The following SHISA9 variants were observed in gnomAD, a reference collection of about 807,000 sequenced individuals.
SHISA9 encodes the protein shisa family member 9.
A neutral mutation model predicts 38.0 loss-of-function variants in SHISA9; 13 were observed. That is an observed-to-expected ratio of 0.34 (90% CI 0.22 to 0.54). The LOEUF (loss-of-function observed/expected upper bound fraction) is 0.54. Among genes scored for constraint, SHISA9 ranks in the 20% least tolerant of loss-of-function variants. SHISA9 has a pLI of 0.91. For missense variants in SHISA9, 538 were observed against 575.8 expected (o/e 0.93, Z 0.67); for synonymous variants, 275 against 242.0 (o/e 1.14, Z -1.27).
At chr16:13,125,323 C>T (rs2050246932) in intron 2 of SHISA9, among the ~76,000 whole-genome samples, 2 of 152,182 alleles carry the variant, frequency 1.3e-5, no homozygotes, top group Non-Finnish European at 2.9e-5. Context: ...ATAGACACCA[C>T]TGATTTTTCT....
At chr16:13,177,071 A>C (rs1347121890) in intron 2 of SHISA9, among the ~76,000 whole-genome samples, 1 of 152,192 alleles carries the variant, frequency 6.6e-6, no homozygotes, top group Non-Finnish European at 1.5e-5. Context: ...TTCTCAGCTC[A>C]GCCCACCATC....
chr16:13,349,791 G>A, the SHISA9 span, among the ~76,000 whole-genome samples: 2 of 152,168 alleles, frequency 1.3e-5, no homozygotes, highest in African/African-American at 4.8e-5. Context: ...TGTAGGGATG[G>A]TTACTTTTGT....
chr16:13,446,440 T>C, the SHISA9 span, among the ~76,000 whole-genome samples: 1 of 152,110 alleles, frequency 6.6e-6, no homozygotes, highest in African/African-American at 2.4e-5. Flanking sequence ...GTCTATAAGA[T>C]AAAAAATTGA....
At chr16:13,480,203 G>C in the SHISA9 span, among the ~76,000 whole-genome samples, 1 of 152,232 alleles carries the variant, frequency 6.6e-6, no homozygotes, top group South Asian at 2.1e-4. Context: ...CTAACATGCA[G>C]AGAAAACAAG....
chr16:13,425,627 A>G, the SHISA9 span, among the ~76,000 whole-genome samples: 17,968 of 152,282 alleles, frequency 0.12, 1,351 homozygotes, highest in Non-Finnish European at 0.17. Flanking sequence ...GCATTATGCA[A>G]TACACTCGTG....
At chr16:13,410,976 T>C in the SHISA9 span, among the ~76,000 whole-genome samples, 1 of 152,176 alleles carries the variant, frequency 6.6e-6, no homozygotes, top group African/African-American at 2.4e-5. Flanking sequence ...GCTTGGAGTG[T>C]TAAAAAAATA....
At chr16:13,456,479 G>T in the SHISA9 span, among the ~76,000 whole-genome samples, 3 of 152,192 alleles carry the variant, frequency 2.0e-5, no homozygotes, top group African/African-American at 2.4e-5. Context: ...GCAATTCTGG[G>T]ATGCCGATGT....
the SHISA9 span, among the ~76,000 whole-genome samples, chr16:13,248,575 C>T: frequency 6.6e-6 from 1 of 152,074 alleles, no homozygotes; most frequent in African/African-American, 2.4e-5. Context: ...TAGAGCAAGC[C>T]CAGTCATACC....
At chr16:13,022,347 T>C (rs1053087736) in intron 2 of SHISA9, among the ~76,000 whole-genome samples, 3 of 152,146 alleles carry the variant, frequency 2.0e-5, no homozygotes, top group Admixed American at 1.3e-4. Context: ...TTTTTTTTTT[T>C]CGAGACAGAG....
chr16:13,489,948 A>C, the SHISA9 span, among the ~76,000 whole-genome samples: 10 of 152,336 alleles, frequency 6.6e-5, no homozygotes, highest in East Asian at 1.9e-3. Context: ...CTGTGTTGAC[A>C]CTGCAGTGGA....
At chr16:13,275,912 A>T in the SHISA9 span, among the ~76,000 whole-genome samples, 38 of 150,954 alleles carry the variant, frequency 2.5e-4, no homozygotes, top group African/African-American at 8.5e-4. Context: ...TTTATTTTTT[A>T]TTTTTAAAAA....
At chr16:13,089,375 G>A (rs1567208520) in intron 2 of SHISA9, among the ~76,000 whole-genome samples, 1 of 152,202 alleles carries the variant, frequency 6.6e-6, no homozygotes, top group South Asian at 2.1e-4. Flanking sequence ...CCGAAGGAAT[G>A]GTACCAGCTC....
the SHISA9 span, among the ~76,000 whole-genome samples, chr16:13,264,551 T>C: frequency 1.3e-5 from 2 of 152,136 alleles, no homozygotes; most frequent in African/African-American, 4.8e-5. Context: ...GCATCCGGTG[T>C]ACAGTTAAAC....
At chr16:13,513,659 A>T in the SHISA9 span, among the ~76,000 whole-genome samples, 2 of 152,196 alleles carry the variant, frequency 1.3e-5, no homozygotes, top group African/African-American at 4.8e-5. Flanking sequence ...TGCAGCTGTA[A>T]AAAAGAATGA....
intron 2 of SHISA9, among the ~76,000 whole-genome samples, chr16:13,029,138 G>T (rs1392955): frequency 0.66 from 99,595 of 152,024 alleles, 33,091 homozygotes; most frequent in Middle Eastern, 0.75. Context: ...CCATTACTGG[G>T]TATATACCCC....
chr16:13,075,292 A>G (rs139239407), intron 2 of SHISA9, among the ~76,000 whole-genome samples: 1 of 152,318 alleles, frequency 6.6e-6, no homozygotes, highest in Non-Finnish European at 1.5e-5. Context: ...GGAAGTTTCC[A>G]TTATTCACCA....
the SHISA9 span, among the ~76,000 whole-genome samples, chr16:13,447,120 A>T: frequency 6.6e-6 from 1 of 152,080 alleles, no homozygotes; most frequent in Non-Finnish European, 1.5e-5. Flanking sequence ...CTGCTTAAAG[A>T]TGGCATCTTG....
chr16:13,176,697 GT>G (rs999936256), intron 2 of SHISA9, among the ~76,000 whole-genome samples: 28 of 149,210 alleles, frequency 1.9e-4, no homozygotes, highest in Non-Finnish European at 2.5e-4. Context: ...ACTCACCACT[GT>G]TTTTTTTTTC....
the SHISA9 span, among the ~76,000 whole-genome samples, chr16:13,373,879 T>A: frequency 1.3e-5 from 2 of 151,940 alleles, no homozygotes; most frequent in Non-Finnish European, 2.9e-5. Context: ...CAGAATAAGA[T>A]CTCATAACAC....
Sources: gnomAD v4.1 joint callset for allele counts (sites outside exome capture counted in the v4.1 genomes callset) on GRCh38, gnomAD v4.1.1 for gene constraint, MANE v1.5 for transcripts, NCBI Gene and HGNC (gene_info 2026-07-23, HGNC 2026-07-21) for gene names.